PCDH15: variants seen among roughly 807,000 people sequenced by gnomAD.
The protein encoded by PCDH15 is protocadherin-15.
Under a neutral mutation model 178.5 loss-of-function variants are expected in PCDH15, and 129 were observed. The ratio of observed to expected loss-of-function variants is 0.72; its 90% CI spans 0.63 to 0.84. The LOEUF (loss-of-function observed/expected upper bound fraction) is 0.84, where lower values mean the gene tolerates loss of function less well. Ranked by LOEUF, PCDH15 falls within the 40% of genes least tolerant of loss-of-function variation. The probability of loss-of-function intolerance (pLI) is 0.00; values close to 1 mark genes in which losing one functional copy is unlikely to be tolerated. For missense variants in PCDH15, 2,230 were observed against 2,099.9 expected, an observed-to-expected ratio of 1.06 and a Z score of -1.21; for synonymous variants, 800 against 732.0, an observed-to-expected ratio of 1.09 and a Z score of -1.50.
At chr10:55,166,284 A>C (rs911053923) in intron 2 of PCDH15, among the ~76,000 whole-genome samples, 24 of 152,190 alleles carry the variant, frequency 1.6e-4, no homozygotes, top group Non-Finnish European at 2.4e-4. Flanking sequence ...ATGAAGAATA[A>C]TAAATCTAAA....
At chr10:53,903,049 A>G (rs1327689657) in intron 26 of PCDH15, among the ~76,000 whole-genome samples, 194 bp downstream of exon 26, 1 of 152,146 alleles carries the variant, frequency 6.6e-6, no homozygotes, top group African/African-American at 2.4e-5. Flanking sequence ...AGTAAAATGA[A>G]ACTCAAGAAG....
intron 14 of PCDH15, 49 bp downstream of exon 14, chr10:54,153,051 G>C (rs373152977): frequency 7.5e-6 from 12 of 1,595,468 alleles, no homozygotes; most frequent in Non-Finnish European, 6.9e-6. Context: ...TTAATTACAG[G>C]GTTAAACGGG....
intron 1 of PCDH15, among the ~76,000 whole-genome samples, chr10:55,189,830 G>C (rs1037457981): frequency 6.6e-6 from 1 of 151,716 alleles, no homozygotes; most frequent in Non-Finnish European, 1.5e-5. Flanking sequence ...GCTGTCACTT[G>C]GTTCAAATAC....
intron 1 of PCDH15, among the ~76,000 whole-genome samples, chr10:55,246,429 A>G (rs1475261669): frequency 1.3e-5 from 2 of 152,192 alleles, no homozygotes; most frequent in Admixed American, 6.6e-5. Context: ...TTTCTCAGCT[A>G]ATTTTCCAGT....
chr10:55,011,526 G>A (rs1398762981), intron 2 of PCDH15, among the ~76,000 whole-genome samples: 3 of 151,994 alleles, frequency 2.0e-5, no homozygotes, highest in Non-Finnish European at 4.4e-5. Context: ...GATTTATATA[G>A]AAGGAATTCT....
chr10:55,042,244 G>A (rs1478879579), intron 2 of PCDH15, among the ~76,000 whole-genome samples: 1 of 152,096 alleles, frequency 6.6e-6, no homozygotes, highest in Admixed American at 6.6e-5. Context: ...GTGACAACAG[G>A]AGCTCAACAA....
chr10:55,058,742 T>C (rs1408099786), intron 2 of PCDH15, among the ~76,000 whole-genome samples: 1 of 152,216 alleles, frequency 6.6e-6, no homozygotes, highest in African/African-American at 2.4e-5. Flanking sequence ...TCATATTGCA[T>C]CGTGTGTGTT....
intron 2 of PCDH15, among the ~76,000 whole-genome samples, chr10:54,546,795 T>C (rs1355851017): frequency 6.6e-6 from 1 of 152,182 alleles, no homozygotes; most frequent in Non-Finnish European, 1.5e-5. Context: ...ATCTGATACA[T>C]GAAGAGCAAC....
intron 2 of PCDH15, among the ~76,000 whole-genome samples, chr10:55,111,823 G>A (rs964055085): frequency 3.9e-5 from 6 of 152,080 alleles, no homozygotes; most frequent in East Asian, 1.9e-4. Flanking sequence ...ATTGCACTAC[G>A]GCCTGGGCAA....
intron 2 of PCDH15, among the ~76,000 whole-genome samples, chr10:55,478,636 T>A (rs1840109914): frequency 6.7e-6 from 1 of 148,224 alleles, no homozygotes; most frequent in African/African-American, 2.5e-5. Flanking sequence ...GAGAAGGAAA[T>A]AAATAATAAA....
intron 2 of PCDH15, among the ~76,000 whole-genome samples, chr10:54,591,300 T>C (rs565971281): frequency 3.0e-4 from 46 of 152,322 alleles, no homozygotes; most frequent in Non-Finnish European, 6.0e-4. Flanking sequence ...CTCATCACAT[T>C]AGTTTTAAAA....
intron 25 of PCDH15, among the ~76,000 whole-genome samples, chr10:53,930,923 G>T (rs114922535): frequency 0.011 from 1,737 of 152,136 alleles, 35 homozygotes; most frequent in African/African-American, 0.04. Flanking sequence ...CCAAACTCCT[G>T]GTGTTTCATT....
intron 2 of PCDH15, among the ~76,000 whole-genome samples, chr10:54,585,751 A>T (rs2026410): frequency 2.0e-5 from 3 of 152,072 alleles, no homozygotes; most frequent in Non-Finnish European, 2.9e-5. Flanking sequence ...CAACTTCAGC[A>T]GGTTCCCAGA....
intron 25 of PCDH15, among the ~76,000 whole-genome samples, chr10:53,903,982 T>G (rs2082500772): frequency 6.6e-6 from 1 of 152,286 alleles, no homozygotes; most frequent in South Asian, 2.1e-4. Context: ...GATATGATTA[T>G]GACTCATAAA....
intron 2 of PCDH15, among the ~76,000 whole-genome samples, chr10:55,053,596 T>C (rs1841219047): frequency 6.6e-6 from 1 of 152,196 alleles, no homozygotes; most frequent in Non-Finnish European, 1.5e-5. Context: ...GGCAATAAAC[T>C]TGATCTCATT....
At chr10:55,467,825 AAGTGGAGGCGGGCACCTGT>A (rs1185220738) in intron 2 of PCDH15, among the ~76,000 whole-genome samples, 13 of 151,596 alleles carry the variant, frequency 8.6e-5, no homozygotes, top group Middle Eastern at 3.4e-3. Flanking sequence ...AAATAGCCGG[AAGTGGAGGCGGGCACCTGT>A]AGTCCCAGCT....
At chr10:55,188,682 T>C (rs1839863776) in intron 1 of PCDH15, among the ~76,000 whole-genome samples, 1 of 151,922 alleles carries the variant, frequency 6.6e-6, no homozygotes, top group African/African-American at 2.4e-5. Flanking sequence ...GTATCCTTTT[T>C]TTAAAAAAAA....
chr10:54,184,070 G>C (rs2048258506), intron 12 of PCDH15, among the ~76,000 whole-genome samples: 1 of 152,148 alleles, frequency 6.6e-6, no homozygotes, highest in African/African-American at 2.4e-5. Context: ...AAAGGACTAA[G>C]TGGTATCATT....
At chr10:54,182,506 AGTGTGT>A (rs71007813) in intron 13 of PCDH15, among the ~76,000 whole-genome samples, 106 of 148,076 alleles carry the variant, frequency 7.2e-4, no homozygotes, top group Non-Finnish European at 1.0e-3. Flanking sequence ...AGAGAAAAAA[AGTGTGT>A]GTGTGTGTGT....
Sources: allele counts gnomAD v4.1 joint callset (sites outside exome capture counted in the v4.1 genomes callset), GRCh38; gene constraint gnomAD v4.1.1; transcripts MANE v1.5; gene names NCBI Gene and HGNC (gene_info 2026-07-23, HGNC 2026-07-21).